The following RBFOX3 variants were observed in gnomAD, a reference collection of about 807,000 sequenced individuals.
The protein encoded by RBFOX3 is RNA binding protein fox-1 homolog 3.
RBFOX3 carries 17 observed loss-of-function variants against 48.7 expected under a neutral mutation model. That is an observed-to-expected ratio of 0.35 (90% confidence interval 0.24 to 0.52). The LOEUF (loss-of-function observed/expected upper bound fraction) is 0.52. Ranked by LOEUF, RBFOX3 falls within the 20% of genes least tolerant of loss-of-function variation. The probability of loss-of-function intolerance (pLI) is 0.94; values close to 1 mark genes in which losing one functional copy is unlikely to be tolerated. For missense variants in RBFOX3, 382 were observed against 497.5 expected, an observed-to-expected ratio of 0.77 and a Z score of 2.21; for synonymous variants, 212 against 209.5, an observed-to-expected ratio of 1.01 and a Z score of -0.10.
chr17:79,554,742 A>G (rs1473503735), intron 1 of RBFOX3, among the ~76,000 whole-genome samples: 1 of 152,266 alleles, frequency 6.6e-6, no homozygotes, highest in Non-Finnish European at 1.5e-5. Context: ...TGTAATATAC[A>G]ATCATTATAA....
chr17:79,186,402 G>C (rs116346525), intron 4 of RBFOX3, among the ~76,000 whole-genome samples: 1 of 152,222 alleles, frequency 6.6e-6, no homozygotes, highest in Non-Finnish European at 1.5e-5. Context: ...TCAGAGTGTC[G>C]CGCAGGCCTG....
chr17:79,412,457 G>T (rs1555716637), intron 2 of RBFOX3, among the ~76,000 whole-genome samples: 1 of 151,916 alleles, frequency 6.6e-6, no homozygotes, highest in Non-Finnish European at 1.5e-5. Flanking sequence ...TGAGCGTATT[G>T]TGTATGTGTG....
In RBFOX3 at chr17:79,381,346, C is replaced by A. The variant is rs544067178; in HGVS notation, c.-174-73522G>T. Among the ~76,000 whole-genome samples the A allele has an allele frequency of 4.4e-4, 67 of 152,184 alleles. No individual in the cohort carries two copies. In the South Asian group the frequency reaches 0.012, roughly 27 times the overall value. On this transcript the variant is annotated intron_variant, in intron 2 of 14. Coordinates refer to ENST00000693108, the MANE Select transcript of RBFOX3 (RefSeq NM_001350451.2). ...TGATACATTCTAAACATTGTCAGGT[C>A]GACATGTGATCAATGTAAAAACCAT...
chr17:79,187,831 G>A (rs972073867), intron 4 of RBFOX3, among the ~76,000 whole-genome samples: 1 of 152,164 alleles, frequency 6.6e-6, no homozygotes, highest in African/African-American at 2.4e-5. Flanking sequence ...TCAGGCTGGG[G>A]ATGGGAAACC....
At chr17:79,224,507 G>T (rs1357623975) in intron 4 of RBFOX3, among the ~76,000 whole-genome samples, 1 of 152,180 alleles carries the variant, frequency 6.6e-6, no homozygotes. Context: ...TTGTCCACTT[G>T]GCTGCGAAAC....
chr17:79,561,333 G>A (rs1380143786), intron 1 of RBFOX3, among the ~76,000 whole-genome samples: 1 of 152,140 alleles, frequency 6.6e-6, no homozygotes, highest in East Asian at 1.9e-4. Context: ...GGCAAGCCCA[G>A]CTTCCAGGAA....
At chr17:79,562,818 CAT>C (rs1365719424) in intron 1 of RBFOX3, among the ~76,000 whole-genome samples, 1 of 152,192 alleles carries the variant, frequency 6.6e-6, no homozygotes, top group Admixed American at 6.5e-5. Flanking sequence ...ACCCTAATGA[CAT>C]GATGATCAAT....
intron 3 of RBFOX3, among the ~76,000 whole-genome samples, chr17:79,301,471 C>T (rs564403580): frequency 1.1e-4 from 16 of 152,356 alleles, no homozygotes; most frequent in East Asian, 7.7e-4. Context: ...AACATTCTGG[C>T]GCTCAGAGTC....
chr17:79,253,284 G>A (rs971542912), intron 3 of RBFOX3, among the ~76,000 whole-genome samples: 9 of 152,022 alleles, frequency 5.9e-5, no homozygotes, highest in African/African-American at 1.7e-4. Flanking sequence ...ACACAAAGCC[G>A]GGGAGGACTC....
chr17:79,207,252 T>C (rs1334869243), intron 4 of RBFOX3, among the ~76,000 whole-genome samples: 2 of 152,256 alleles, frequency 1.3e-5, no homozygotes, highest in Non-Finnish European at 2.9e-5. Context: ...TTGGGCTTAA[T>C]GGTTCATATT....
intron 1 of RBFOX3, chr17:79,600,050 TGAA>T (rs1288830150): frequency 8.9e-4 from 135 of 152,096 alleles, no homozygotes; most frequent in African/African-American, 2.8e-3. Context: ...ACAGAACAAA[TGAA>T]GAAGGACGGC....
intron 2 of RBFOX3, among the ~76,000 whole-genome samples, chr17:79,463,083 A>ATCGCCACTGCCACCTCCACCGC (rs2075627725): frequency 3.0e-5 from 1 of 32,828 alleles, no homozygotes; most frequent in African/African-American, 1.4e-4. Flanking sequence ...ACCTCCACCG[A>ATCGCCACTGCCACCTCCACCGC]CTTTGCCACT....
chr17:79,195,440 G>A lies in RBFOX3; in HGVS notation c.-34+40326C>T, dbSNP rs1265035225. Among the ~76,000 whole-genome samples the A allele has an allele frequency of 6.6e-6, 1 of 151,984 alleles. No homozygotes were observed. Among genetic ancestry groups the A allele is most frequent in the African/African-American group, 2.4e-5 (1 of 41,344 alleles). On this transcript the variant is annotated intron_variant, in intron 4 of 14. Coordinates refer to ENST00000693108, the MANE Select transcript of RBFOX3 (RefSeq NM_001350451.2). The surrounding 1 kb of genome is among the most constrained non-coding windows in gnomAD (Gnocchi z 5.3). ...AAGAAGAAGAAATGCAAAATGCAAA[G>A]CCAACTGGGTCTCTTCTTAGAGTAA...
At chr17:79,371,089 CCCT>C (rs1327103162) in intron 2 of RBFOX3, among the ~76,000 whole-genome samples, 13 of 152,320 alleles carry the variant, frequency 8.5e-5, no homozygotes, top group African/African-American at 2.9e-4. Flanking sequence ...AGCACGGTGT[CCCT>C]CCTCCTGTCT....
At chr17:79,413,507 C>A (rs777664382) in intron 2 of RBFOX3, among the ~76,000 whole-genome samples, 56 of 152,380 alleles carry the variant, frequency 3.7e-4, no homozygotes, top group Non-Finnish European at 6.3e-4. Context: ...CATCCCCGCT[C>A]CCACCCAGGA....
chr17:79,453,276 A>G (rs1647975464), intron 2 of RBFOX3, among the ~76,000 whole-genome samples: 1 of 151,864 alleles, frequency 6.6e-6, no homozygotes, highest in Admixed American at 6.6e-5. Flanking sequence ...AGAACAAACC[A>G]CTCTAGGCCC....
intron 2 of RBFOX3, among the ~76,000 whole-genome samples, chr17:79,389,100 G>A (rs1246419752): frequency 2.5e-5 from 3 of 119,372 alleles, no homozygotes; most frequent in African/African-American, 9.0e-5. Context: ...CGGTGGGCGC[G>A]GGGGGGCGGT....
intron 1 of RBFOX3, among the ~76,000 whole-genome samples, chr17:79,609,310 C>A (rs1416663224): frequency 2.6e-5 from 4 of 152,176 alleles, no homozygotes; most frequent in Non-Finnish European, 5.9e-5. Context: ...GTGCCCGGGG[C>A]GCCCGGGTGC....
chr17:79,340,125 C>A (rs552538991), intron 2 of RBFOX3, among the ~76,000 whole-genome samples: 1 of 152,032 alleles, frequency 6.6e-6, no homozygotes, highest in Non-Finnish European at 1.5e-5. Context: ...ATGGTGAAAC[C>A]CTGTCCCTAC....
Sources: allele counts gnomAD v4.1 joint callset (sites outside exome capture counted in the v4.1 genomes callset), GRCh38; gene constraint gnomAD v4.1.1; non-coding constraint Gnocchi (gnomAD v3.1); transcripts MANE v1.5; gene names NCBI Gene and HGNC (gene_info 2026-07-23, HGNC 2026-07-21).